Variants in TRAPPC12 observed in about 807,000 individuals in gnomAD.
TRAPPC12 encodes TPR repeat protein 15.
TRAPPC12 carries 61 observed loss-of-function variants against 69.2 expected under a neutral mutation model. The observed-to-expected ratio is 0.88, with a 90% CI of 0.72 to 1.09. TRAPPC12 has a LOEUF of 1.09. Among genes scored for constraint, TRAPPC12 ranks in the 50% least tolerant of loss-of-function variants. The probability of loss-of-function intolerance (pLI) is 0.00; values close to 1 mark genes in which losing one functional copy is unlikely to be tolerated. For missense variants in TRAPPC12, 1,101 were observed against 1,016.4 expected (o/e 1.08, Z -1.13); for synonymous variants, 469 against 438.9 (o/e 1.07, Z -0.86).
intron 1 of TRAPPC12, among the ~76,000 whole-genome samples, chr2:3,385,906 AG>A (rs934463263): frequency 6.6e-6 from 1 of 152,252 alleles, no homozygotes; most frequent in African/African-American, 2.4e-5. Flanking sequence ...TACCATGCAC[AG>A]GGGGCTCCCC....
intron 5 of TRAPPC12, among the ~76,000 whole-genome samples, chr2:3,433,073 C>T (rs1259207852): frequency 6.6e-6 from 1 of 152,152 alleles, no homozygotes; most frequent in Non-Finnish European, 1.5e-5. Flanking sequence ...ATTTACAATG[C>T]CACATTAAAG....
chr2:3,464,206 T>A lies in TRAPPC12; in HGVS notation c.1678-1391T>A, dbSNP rs537348727. On this transcript the variant is annotated intron_variant, in intron 8 of 11. Coordinates refer to ENST00000324266, the MANE Select transcript of TRAPPC12 (RefSeq NM_016030.6). Reference sequence around the variant, plus strand: ...ATGCTCACACACGCTTACACACACATGCTCGCACTCGCACAGCTAGACAGC... The same window carrying A: ...ATGCTCACACACGCTTACACACACAAGCTCGCACTCGCACAGCTAGACAGC... 3.4e-4 allele frequency among the ~76,000 whole-genome samples: 52 copies of A among 152,076 alleles called. 1 individual carries two copies. The highest frequency in any genetic ancestry group is 2.0e-3 in the Admixed American group (30 of 15,280).
At chr2:3,419,550 G>T (rs1662656759) in intron 3 of TRAPPC12, among the ~76,000 whole-genome samples, 2 of 151,764 alleles carry the variant, frequency 1.3e-5, no homozygotes, top group Admixed American at 1.3e-4. Context: ...GTCGATCAGT[G>T]GTTCTCTGAC....
chr2:3,478,664 G>C, intron 10 of TRAPPC12, 182 bp from the exon 11 acceptor site: 1 of 574,342 alleles, frequency 1.7e-6, no homozygotes, highest in South Asian at 2.3e-5. Flanking sequence ...AACTAGAGTG[G>C]CTTTAATGTG....
chr2:3,392,398 CCTGTGG>C (rs1660877149), intron 2 of TRAPPC12, among the ~76,000 whole-genome samples: 1 of 152,150 alleles, frequency 6.6e-6, no homozygotes, highest in Non-Finnish European at 1.5e-5. Context: ...ATTTCAGTGT[CCTGTGG>C]CTCAGTAGAG....
At chr2:3,445,323 T>C (rs1267172052) in intron 6 of TRAPPC12, among the ~76,000 whole-genome samples, 5 of 152,126 alleles carry the variant, frequency 3.3e-5, no homozygotes, top group Admixed American at 1.3e-4. Flanking sequence ...AGGCTGAGGT[T>C]GCAGTAAGCC....
At chr2:3,387,421 C>T (rs931583611) in intron 1 of TRAPPC12, among the ~76,000 whole-genome samples, 199 bp from the exon 2 acceptor site, 6 of 152,172 alleles carry the variant, frequency 3.9e-5, no homozygotes, top group African/African-American at 1.4e-4. Flanking sequence ...AGATTGGTTG[C>T]ACAGAAATGT....
chr2:3,395,083 G>C (rs1391722160), intron 2 of TRAPPC12, among the ~76,000 whole-genome samples: 3 of 152,132 alleles, frequency 2.0e-5, no homozygotes, highest in African/African-American at 7.2e-5. Context: ...TGTGCATTTA[G>C]CTCTATAAGA....
chr2:3,382,974 G>A (rs1660294943), intron 1 of TRAPPC12, among the ~76,000 whole-genome samples: 1 of 152,134 alleles, frequency 6.6e-6, no homozygotes, highest in Non-Finnish European at 1.5e-5. Context: ...AACCATGGGT[G>A]AAAAATTGAA....
chr2:3,419,930 A>G (rs1037365095), intron 3 of TRAPPC12, among the ~76,000 whole-genome samples: 2 of 152,246 alleles, frequency 1.3e-5, no homozygotes, highest in South Asian at 4.1e-4. Context: ...TGGCACGGCC[A>G]CTTAGGAAGA....
chr2:3,402,319 C>T lies in TRAPPC12; in HGVS notation c.1164+426C>T, dbSNP rs111962630. On this transcript the variant is annotated intron_variant, in intron 3 of 11. Transcript: ENST00000324266. Reference sequence around the variant, plus strand: ...GGTTTTTAAAATTCATGGCTGGGCGCAGTGGCTCACACCTGTAATCCCAGC... The same window carrying T: ...GGTTTTTAAAATTCATGGCTGGGCGTAGTGGCTCACACCTGTAATCCCAGC... Among the ~76,000 whole-genome samples the T allele has an allele frequency of 8.2e-3, 1,255 of 152,312 alleles. 21 individuals are homozygous for T. The highest frequency in any genetic ancestry group is 0.028 in the African/African-American group (1,170 of 41,556).
chr2:3,382,906 C>G (rs1660290163), intron 1 of TRAPPC12, among the ~76,000 whole-genome samples: 1 of 152,208 alleles, frequency 6.6e-6, no homozygotes, highest in African/African-American at 2.4e-5. Flanking sequence ...GCCAGGGTGA[C>G]AGAGCCAGAC....
chr2:3,479,188 G>A, intron 11 of TRAPPC12, 31 bp from the exon 12 acceptor site: 1 of 1,602,000 alleles, frequency 6.2e-7, no homozygotes, highest in South Asian at 1.1e-5. Flanking sequence ...CTGGTTGTGT[G>A]GGCCAACCCT....
At chr2:3,478,034 G>A (rs1558413685) in intron 10 of TRAPPC12, 5 of 367,858 alleles carry the variant, frequency 1.4e-5, no homozygotes, top group South Asian at 1.6e-4. Context: ...TCAGAGAAGC[G>A]CTTGTATTGC....
At chr2:3,395,741 T>C (rs1412738948) in intron 2 of TRAPPC12, among the ~76,000 whole-genome samples, 1 of 151,192 alleles carries the variant, frequency 6.6e-6, no homozygotes, top group Non-Finnish European at 1.5e-5. Context: ...TTTTTTTTTT[T>C]TTTCTTGAGA....
At chr2:3,444,556 T>A (rs1664407169) in intron 6 of TRAPPC12, among the ~76,000 whole-genome samples, 1 of 152,366 alleles carries the variant, frequency 6.6e-6, no homozygotes, top group Non-Finnish European at 1.5e-5. Flanking sequence ...CGTCACAGTG[T>A]TCCTGTATAG....
chr2:3,427,598 T>C (rs1041001456), intron 5 of TRAPPC12, among the ~76,000 whole-genome samples: 3 of 152,174 alleles, frequency 2.0e-5, no homozygotes, highest in Admixed American at 6.5e-5. Flanking sequence ...GGTAAAAATA[T>C]CCAGCTTGGC....
At position 3,457,564 on chromosome 2, in the gene TRAPPC12, G is replaced by A. The variant is rs1221705508; in HGVS notation, c.1531-57G>A. ...TGTACTGAGATTATATTATAACAAA[G>A]TCTTAGACAAAAATTGGTTCCCATG... On this transcript the variant is annotated intron_variant, in intron 6 of 11. Transcript: ENST00000324266. The A allele has an allele frequency of 2.8e-6, 4 of 1,448,060 alleles. No homozygotes were observed. The East Asian group carries it at 6.9e-5, about 25-fold the overall frequency. The allele number at this position is 1,448,060 out of a possible 1,614,324, so 89.7% of individuals were successfully genotyped here.
At chr2:3,424,105 CT>C (rs1197923728) in intron 4 of TRAPPC12, among the ~76,000 whole-genome samples, 22 of 152,358 alleles carry the variant, frequency 1.4e-4, no homozygotes, top group Admixed American at 1.3e-3. Context: ...CCTTTGGTGC[CT>C]TTTCATTTTC....
Sources: gnomAD v4.1 joint callset for allele counts (sites outside exome capture counted in the v4.1 genomes callset) on GRCh38, gnomAD v4.1.1 for gene constraint, MANE v1.5 for transcripts, NCBI Gene and HGNC (gene_info 2026-07-23, HGNC 2026-07-21) for gene names.